The following BLACAT1 variants were observed in gnomAD, a reference collection of about 807,000 sequenced individuals.
The protein encoded by BLACAT1 is BLACAT1 overlapping LEMD1 locus.
chr1:205,451,637 C>T (rs1253556687), intron 1 of BLACAT1, among the ~76,000 whole-genome samples: 1 of 151,836 alleles, frequency 6.6e-6, no homozygotes, highest in Non-Finnish European at 1.5e-5. Flanking sequence ...AACTGAGAGA[C>T]ACAGAATGGA....
At chr1:205,440,043 T>C (rs7552585) in exon 2 of BLACAT1, among the ~76,000 whole-genome samples, 133,496 of 151,944 alleles carry the variant, frequency 0.88, 59,625 homozygotes, top group East Asian at 0.99. Flanking sequence ...GCACCACATA[T>C]GAACGCAGTC....
chr1:205,440,187 C>T (rs774185060), exon 2 of BLACAT1, among the ~76,000 whole-genome samples: 1 of 152,138 alleles, frequency 6.6e-6, no homozygotes, highest in Non-Finnish European at 1.5e-5. Context: ...GGAGTCAGGG[C>T]CTGGGGAACA....
At chr1:205,445,998 T>G (rs1157124089) in intron 1 of BLACAT1, among the ~76,000 whole-genome samples, 1 of 152,154 alleles carries the variant, frequency 6.6e-6, no homozygotes, top group Non-Finnish European at 1.5e-5. Context: ...GGGCCCACTC[T>G]CGCAAGGGAG....
chr1:205,446,487 A>C (rs884554), intron 1 of BLACAT1, among the ~76,000 whole-genome samples: 200 of 152,338 alleles, frequency 1.3e-3, no homozygotes, highest in Admixed American at 4.7e-3. Context: ...TAATCTCTGG[A>C]ATGGCTCATC....
In BLACAT1 at chr1:205,441,882, C is replaced by T. The variant is rs1012204289; in HGVS notation, c.-36-820G>A. ...CGCTGTCCCCCACCTCTGGCTGACC[C>T]GGCCCTCAGCAGGAGCCAGGGGCCG... On this transcript the variant is annotated intron_variant, in intron 1 of 1. Transcript: ENST00000629624. The surrounding 1 kb of genome is among the most constrained non-coding windows in gnomAD (Gnocchi z 4.3). Among the ~76,000 whole-genome samples the T allele has an allele frequency of 2.0e-5, 3 of 152,334 alleles. No homozygotes were observed. Among genetic ancestry groups the T allele is most frequent in the African/African-American group, 4.8e-5 (2 of 41,588 alleles).
In BLACAT1 at chr1:205,450,140, A is replaced by T. The variant is rs1165040337; in HGVS notation, c.-37+5777T>A. On this transcript the variant is annotated intron_variant, in intron 1 of 1. Transcript: ENST00000629624. This position sits in a 1 kb window ranked among gnomAD's most constrained non-coding sequence, Gnocchi z 4.4. ...TGGGGGCGGGCTGGGCAGGCGGGGC[A>T]GCCAGGTATTCCTTCAACCCTGACT... Among the ~76,000 whole-genome samples, 1 of 152,068 alleles carries T rather than the reference A, an allele frequency of 6.6e-6. No individual in the cohort carries two copies. Among genetic ancestry groups the T allele is most frequent in the Non-Finnish European group, 1.5e-5 (1 of 67,994 alleles).
chr1:205,451,185 G>A (rs1040538939), intron 1 of BLACAT1, among the ~76,000 whole-genome samples: 1 of 152,090 alleles, frequency 6.6e-6, no homozygotes, highest in Non-Finnish European at 1.5e-5. Flanking sequence ...TTTCCTCCTT[G>A]GCCACTCCAG....
chr1:205,450,685 C>G lies in BLACAT1; in HGVS notation c.-37+5232G>C, dbSNP rs576074801. 6.6e-6 allele frequency among the ~76,000 whole-genome samples: 1 copy of G among 152,216 alleles called. No individual in the cohort carries two copies. Among genetic ancestry groups the G allele is most frequent in the Non-Finnish European group, 1.5e-5 (1 of 68,030 alleles). ...ATCCCTGGGCACATGAAGGGCTCAGCCCCTGGCCTGCCTACCAATCCCAGC... is the reference window on the plus strand; with the variant it reads ...ATCCCTGGGCACATGAAGGGCTCAGGCCCTGGCCTGCCTACCAATCCCAGC... On this transcript the variant is annotated intron_variant, in intron 1 of 1. Coordinates refer to ENST00000629624, the Ensembl canonical transcript of BLACAT1. This position sits in a 1 kb window ranked among gnomAD's most constrained non-coding sequence, Gnocchi z 4.4.
chr1:205,445,496 G>T (rs556529004), intron 1 of BLACAT1, among the ~76,000 whole-genome samples: 1 of 152,346 alleles, frequency 6.6e-6, no homozygotes, highest in East Asian at 1.9e-4. Flanking sequence ...ACAGGCCAAG[G>T]CCTCTGCCTC....
At chr1:205,453,311 G>A (rs1666520278) in intron 1 of BLACAT1, among the ~76,000 whole-genome samples, 1 of 152,134 alleles carries the variant, frequency 6.6e-6, no homozygotes, top group South Asian at 2.1e-4. Context: ...GCTTGCTACG[G>A]AGAAAGGCCA....
intron 1 of BLACAT1, among the ~76,000 whole-genome samples, chr1:205,454,600 G>A (rs779089429): frequency 9.3e-4 from 141 of 152,146 alleles, no homozygotes; most frequent in Non-Finnish European, 1.7e-3. Flanking sequence ...CAGCCCCAGT[G>A]GAGCAATGGA....
rs985602625 is a variant in BLACAT1, at chr1:205,441,766, A to G, written c.-36-704T>C. On this transcript the variant is annotated intron_variant, in intron 1 of 1. Coordinates refer to ENST00000629624, the Ensembl canonical transcript of BLACAT1. The surrounding 1 kb of genome is among the most constrained non-coding windows in gnomAD (Gnocchi z 4.3). ...AGCACCTATGCTGGGCAAAGGGTTG[A>G]GAGGTAGATACAAAAGGGTAAAGAC... Among the ~76,000 whole-genome samples the G allele has an allele frequency of 6.6e-6, 1 of 152,200 alleles. No individual in the cohort carries two copies. Among genetic ancestry groups the G allele is most frequent in the Non-Finnish European group, 1.5e-5 (1 of 68,038 alleles).
chr1:205,445,327 A>G (rs551438338), intron 1 of BLACAT1, among the ~76,000 whole-genome samples: 94 of 152,360 alleles, frequency 6.2e-4, no homozygotes, highest in African/African-American at 2.0e-3. Context: ...GTGGTGGCAC[A>G]AACTACAGAT....
chr1:205,441,220 C>A lies in BLACAT1; in HGVS notation c.-36-158G>T, dbSNP rs1047134364. 1.3e-5 allele frequency among the ~76,000 whole-genome samples: 2 copies of A among 152,146 alleles called. No homozygotes were observed. Among genetic ancestry groups the A allele is most frequent in the Non-Finnish European group, 2.9e-5 (2 of 68,018 alleles). On this transcript the variant is annotated intron_variant, in intron 1 of 1. Coordinates refer to ENST00000629624, the Ensembl canonical transcript of BLACAT1. This position sits in a 1 kb window ranked among gnomAD's most constrained non-coding sequence, Gnocchi z 4.3. ...CTCTCACACCGGCTGGGGGAGGAGT[C>A]AAGCCTCTAAACAACAGCTCTTTGA...
rs560441201 is a variant in BLACAT1, at chr1:205,450,100, CGGTGGG to C, written c.-37+5811_-37+5816del. On this transcript the variant is annotated intron_variant, in intron 1 of 1. Transcript: ENST00000629624. This position sits in a 1 kb window ranked among gnomAD's most constrained non-coding sequence, Gnocchi z 4.4. Reference sequence around the variant, plus strand: ...CCGGCCCCTCCCCCAGCCCTGAGGACGGTGGGGGTGGGGGTGGGGGCGGGCTGGGCA... The same window carrying C: ...CCGGCCCCTCCCCCAGCCCTGAGGACGGTGGGGGTGGGGGCGGGCTGGGCA... 1.4e-3 allele frequency among the ~76,000 whole-genome samples: 208 copies of C among 152,104 alleles called. 11 individuals carry two copies. In the South Asian group the frequency reaches 0.042, roughly 30 times the overall value.
intron 1 of BLACAT1, among the ~76,000 whole-genome samples, chr1:205,453,281 C>T (rs761109765): frequency 1.3e-5 from 2 of 152,174 alleles, no homozygotes; most frequent in Non-Finnish European, 2.9e-5. Context: ...TCCTCCAGAC[C>T]TGCACTAGAC....
chr1:205,439,795 C>A (rs1262603031), downstream of BLACAT1, among the ~76,000 whole-genome samples: 3 of 152,134 alleles, frequency 2.0e-5, no homozygotes, highest in East Asian at 3.9e-4. Context: ...GTCTTCTAGC[C>A]CCGGAGAACT....
At chr1:205,438,938 C>A (rs536223294), downstream of BLACAT1, among the ~76,000 whole-genome samples, 1 of 152,226 alleles carries the variant, frequency 6.6e-6, no homozygotes, top group Admixed American at 6.5e-5. Context: ...CTCCCCAGGA[C>A]GTACTTTCTC....
At chr1:205,444,122 C>A (rs542738377) in intron 1 of BLACAT1, among the ~76,000 whole-genome samples, 2 of 152,110 alleles carry the variant, frequency 1.3e-5, no homozygotes, top group African/African-American at 4.8e-5. Context: ...GGGAACTCCC[C>A]TCCCATCCTC....
Sources: gnomAD v4.1 joint callset for allele counts (sites outside exome capture counted in the v4.1 genomes callset) on GRCh38, gnomAD v4.1.1 for gene constraint, Gnocchi (gnomAD v3.1) non-coding constraint, MANE v1.5 for transcripts, NCBI Gene and HGNC (gene_info 2026-07-23, HGNC 2026-07-21) for gene names.